The following ACAP3 variants were observed in gnomAD, a reference collection of about 807,000 sequenced individuals.
ACAP3 encodes the protein arf-GAP with coiled-coil, ANK repeat and PH domain-containing protein 3.
In ACAP3, 56 loss-of-function variants were observed where a neutral mutation model predicts 104.1. The observed-to-expected ratio is 0.54, with a 90% CI of 0.43 to 0.67. ACAP3 has a LOEUF of 0.67. Ranked by LOEUF, ACAP3 falls within the 30% of genes least tolerant of loss-of-function variation. The pLI is 0.00. For missense variants in ACAP3, 1,208 were observed against 1,174.9 expected (o/e 1.03, Z -0.41); for synonymous variants, 628 against 496.2 (o/e 1.27, Z -3.53).
intron 11 of ACAP3, 68 bp downstream of exon 11, chr1:1,298,499 C>T (rs1641298578): frequency 1.2e-6 from 1 of 856,316 alleles, no homozygotes. Flanking sequence ...CACCTGAGGA[C>T]CCCACCCCCG....
Position 1,292,423 on chromosome 1 carries a change from G to C in ACAP3, c.*1141C>G, listed in dbSNP as rs570563916. 1.3e-5 allele frequency: 2 copies of C among 152,466 alleles called. No homozygotes were observed. The highest frequency in any genetic ancestry group is 6.5e-5 in the Admixed American group (1 of 15,304). The allele number at this position is 152,466 out of a possible 1,614,324, so 9.4% of individuals were successfully genotyped here. A position where few individuals can be genotyped will look rare whatever the true frequency, so the allele number is the denominator to read the frequency against. ...AAGTGCTTTATTCAAAGCGAGGGGT[G>C]GGGGGTGAGACCCGCCAGCAGGGGC... On this transcript the variant is annotated 3_prime_UTR_variant, in exon 24 of 24. Coordinates refer to ENST00000354700, the MANE Select transcript of ACAP3 (RefSeq NM_030649.3).
In ACAP3 at chr1:1,303,866, C is replaced by T. The variant is rs986298160; in HGVS notation, c.105+220G>A. On this transcript the variant is annotated intron_variant, in intron 2 of 23. Transcript: ENST00000354700. The surrounding 1 kb of genome is among the most constrained non-coding windows in gnomAD (Gnocchi z 4.0). ...TCGGGGACTCACCACAGCCCAGCCC[C>T]TCCCAGATGGGACGAGACTCAGGGC... is the stretch of plus-strand genomic sequence containing the variant. 1.1e-4 allele frequency: 71 copies of T among 628,286 alleles called. No homozygotes were observed. The Admixed American group carries it at 1.9e-3, about 17-fold the overall frequency. The allele number at this position is 628,286 out of a possible 1,614,324, so 38.9% of individuals were successfully genotyped here. A position where few individuals can be genotyped will look rare whatever the true frequency, so the allele number is the denominator to read the frequency against.
In ACAP3 at chr1:1,295,895, T is replaced by A. The variant is rs779513090; in HGVS notation, c.1546A>T (p.Lys516Ter). The change falls in exon 18 of 24, where the codon AAG becomes TAG. Residue 516 changes from lysine to a stop codon, truncating the protein, a stop_gained. Coordinates refer to ENST00000354700, the MANE Select transcript of ACAP3 (RefSeq NM_030649.3). LOFTEE classifies it high-confidence loss of function. Reference sequence around the variant, plus strand: ...GCCATGGGCGCCTTCCGCAGAAACTTCTTTTCCACGTATTTGTCCTTGATC... The same window carrying A: ...GCCATGGGCGCCTTCCGCAGAAACTACTTTTCCACGTATTTGTCCTTGATC... ...AWIKDKYVEK[K>*]FLRKAPMAPA... 3.1e-6 allele frequency: 5 copies of A among 1,612,176 alleles called. No individual in the cohort carries two copies. The highest frequency in any genetic ancestry group is 4.2e-6 in the Non-Finnish European group (5 of 1,179,946).
At chr1:1,300,357 C>A in intron 6 of ACAP3, 152 bp downstream of exon 6, 1 of 1,221,378 alleles carries the variant, frequency 8.2e-7, no homozygotes, top group Non-Finnish European at 1.1e-6. Flanking sequence ...CTCCCATGGT[C>A]CTGGACTGCT....
intron 1 of ACAP3, chr1:1,307,018 G>A (rs1641748811): frequency 5.9e-6 from 3 of 507,450 alleles, no homozygotes; most frequent in Non-Finnish European, 7.2e-6. Context: ...AAGTTCACAA[G>A]AGCGCACCCC....
In ACAP3 at chr1:1,303,981, A is replaced by G. The variant is rs1641568680; in HGVS notation, c.105+105T>C. 7.3e-7 allele frequency: 1 copy of G among 1,371,884 alleles called. No individual in the cohort carries two copies. The highest frequency in any genetic ancestry group is 1.0e-6 in the Non-Finnish European group (1 of 996,178). 85.0% of individuals were successfully genotyped at this position (1,371,884 alleles called of 1,614,324 possible). A position where few individuals can be genotyped will look rare whatever the true frequency, so the allele number is the denominator to read the frequency against. ...ACCTGGAGCACCACACGCATGCTCC[A>G]CATATGGGGGGTGTAAGTGGCTTAG... is the stretch of plus-strand genomic sequence containing the variant. On this transcript the variant is annotated intron_variant, in intron 2 of 23. Transcript: ENST00000354700. The surrounding 1 kb of genome is among the most constrained non-coding windows in gnomAD (Gnocchi z 4.0).
Position 1,296,605 on chromosome 1 carries a change from G to A in ACAP3, c.1157C>T (p.Thr386Met), listed in dbSNP as rs753749956. The A allele has an allele frequency of 2.5e-5, 39 of 1,538,246 alleles. No homozygotes were observed. The highest frequency in any genetic ancestry group is 6.8e-5 in the African/African-American group (5 of 72,998). Reference sequence around the variant, plus strand: ...GTCGGTGGCGGAGTCGATGCTGCTCGTGGACGGGGATGCTGTGCGGTCCAG... The same window carrying A: ...GTCGGTGGCGGAGTCGATGCTGCTCATGGACGGGGATGCTGTGCGGTCCAG... ...ERLDRTASPS[T>M]SSIDSATDTR... The change falls in exon 15 of 24, where the codon ACG (threonine) becomes ATG (methionine). Residue 386 changes from threonine to methionine, a missense_variant. Transcript: ENST00000354700.
Position 1,300,715 on chromosome 1 carries a change from G to A in ACAP3, c.339-23C>T, listed in dbSNP as rs749471579. On this transcript the variant is annotated intron_variant, in intron 5 of 23. Coordinates refer to ENST00000354700, the MANE Select transcript of ACAP3 (RefSeq NM_030649.3). ...TCCCTGGAGGCCAAGTGCCAGGTGG[G>A]GTGAGAGATCAGGGAGGGCACCTGC... 7 of 1,596,414 alleles carry A rather than the reference G, an allele frequency of 4.4e-6. No individual in the cohort carries two copies. In the Admixed American group the frequency reaches 5.5e-5, roughly 13 times the overall value.
chr1:1,292,422 TGG>T lies in ACAP3; in HGVS notation c.*1140_*1141del, dbSNP rs1026714797. The T allele has an allele frequency of 6.6e-6, 1 of 150,482 alleles. No individual in the cohort carries two copies. The highest frequency in any genetic ancestry group is 1.5e-5 in the Non-Finnish European group (1 of 67,578). The allele number at this position is 150,482 out of a possible 1,614,324, so 9.3% of individuals were successfully genotyped here. A position where few individuals can be genotyped will look rare whatever the true frequency, so the allele number is the denominator to read the frequency against. ...CAAGTGCTTTATTCAAAGCGAGGGG[TGG>T]GGGGTGAGACCCGCCAGCAGGGGCC... On this transcript the variant is annotated 3_prime_UTR_variant, in exon 24 of 24. Coordinates refer to ENST00000354700, the MANE Select transcript of ACAP3 (RefSeq NM_030649.3).
rs369165944 is a variant in ACAP3, at chr1:1,296,085, C to T, written c.1432G>A (p.Ala478Thr). The T allele has an allele frequency of 3.5e-5, 57 of 1,612,674 alleles. No individual in the cohort carries two copies. Among genetic ancestry groups the T allele is most frequent in the East Asian group, 8.9e-5 (4 of 44,898 alleles). The change falls in exon 17 of 24, where the codon GCT becomes ACT. Residue 478 changes from alanine (A) to threonine (T), a missense_variant. Physicochemically the swap from Ala to Thr is moderately conservative, Grantham distance 58 (BLOSUM62 0). Coordinates refer to ENST00000354700, the MANE Select transcript of ACAP3 (RefSeq NM_030649.3). ...LKLMCELGNSAVNQIYEAQCE... is the reference protein window; with the variant it reads ...LKLMCELGNSTVNQIYEAQCE... ...TGGGCCTCATAGATCTGATTCACAGCGCTGTTTCCAAGCTCACACATCAGC... is the reference window on the plus strand; with the variant it reads ...TGGGCCTCATAGATCTGATTCACAGTGCTGTTTCCAAGCTCACACATCAGC...
At chr1:1,301,005 GA>G (rs1390210285) in intron 5 of ACAP3, among the ~76,000 whole-genome samples, 1 of 152,168 alleles carries the variant, frequency 6.6e-6, no homozygotes, top group African/African-American at 2.4e-5. Context: ...GACCTCAGGT[GA>G]TTCACCCACC....
At chr1:1,296,723 T>A (rs1641177631) in intron 14 of ACAP3, 90 bp from the exon 15 acceptor site, 1 of 1,376,664 alleles carries the variant, frequency 7.3e-7, no homozygotes, top group Non-Finnish European at 9.9e-7. Flanking sequence ...GAAGAGCCAA[T>A]GCAGGCCAGG....
In ACAP3 at chr1:1,296,479, C is replaced by A; in HGVS notation, c.1283G>T (p.Trp428Leu). Residue 428 changes from tryptophan (W) to leucine (L), a missense_variant, in exon 15 of 24, where the codon TGG becomes TTG. By Grantham distance (61) the Trp-to-Leu change is moderately conservative. Transcript: ENST00000354700. The part of the protein sequence containing the change: ...CGDCGQPDPR[W>L]ASINLGVLLC... ...CAGCACGCCCAGGTTGATGCTGGCC[C>A]AGCGGGGGTCCGGCTGGCCGCAGTC... is the stretch of plus-strand genomic sequence containing the variant. The A allele has an allele frequency of 6.5e-7, 1 of 1,544,810 alleles. No individual in the cohort carries two copies.
chr1:1,294,214 C>A lies in ACAP3; in HGVS notation c.2140-15G>T. ...ATCAAGGAGCCCTGGGGAGCCGGGGCAACTCAGACGGAGCCACGGCACCGG... is the reference window on the plus strand; with the variant it reads ...ATCAAGGAGCCCTGGGGAGCCGGGGAAACTCAGACGGAGCCACGGCACCGG... On this transcript the variant is annotated splice_polypyrimidine_tract_variant and intron_variant, in intron 21 of 23. Coordinates refer to ENST00000354700, the MANE Select transcript of ACAP3 (RefSeq NM_030649.3). The A allele has an allele frequency of 6.4e-7, 1 of 1,569,276 alleles. No individual in the cohort carries two copies. Among genetic ancestry groups the A allele is most frequent in the East Asian group, 2.3e-5 (1 of 42,828 alleles).
intron 19 of ACAP3, among the ~76,000 whole-genome samples, 179 bp downstream of exon 19, chr1:1,295,268 C>T (rs1018529430): frequency 2.6e-5 from 4 of 152,162 alleles, no homozygotes; most frequent in African/African-American, 7.2e-5. Context: ...CCCACACACA[C>T]ATTTGCACAG....
rs1402694531 is a variant in ACAP3 at position 1,295,893 on chromosome 1, C to T, written c.1548G>A (p.Lys516=). The stretch of plus-strand genomic sequence containing the variant: ...GTGCCATGGGCGCCTTCCGCAGAAA[C>T]TTCTTTTCCACGTATTTGTCCTTGA... ...AWIKDKYVEK[K]FLRKAPMAPA... The change falls in exon 18 of 24, where the codon AAG becomes AAA. Residue 516 remains lysine, a synonymous_variant. Transcript: ENST00000354700. 1.2e-6 allele frequency: 2 copies of T among 1,612,236 alleles called. No homozygotes were observed. The highest frequency in any genetic ancestry group is 2.2e-5 in the East Asian group (1 of 44,884).
chr1:1,298,758 G>T, intron 10 of ACAP3, 79 bp from the exon 11 acceptor site: 1 of 1,114,372 alleles, frequency 9.0e-7, no homozygotes, highest in East Asian at 2.4e-5. Flanking sequence ...AGCACAGGTG[G>T]GGGTGAGGTC....
At chr1:1,296,367 C>A (rs1641152414) in intron 15 of ACAP3, 58 bp downstream of exon 15, 2 of 1,533,558 alleles carry the variant, frequency 1.3e-6, no homozygotes, top group Non-Finnish European at 1.7e-6. Flanking sequence ...CCCTCAGGGG[C>A]CCACCTGTGG....
Position 1,295,442 on chromosome 1 carries a change from CTTACTGCGAGGG to C in ACAP3, c.1806_1813+4del. On this transcript the variant is annotated splice_donor_variant and splice_donor_region_variant and coding_sequence_variant and intron_variant, in exon 19 of 24. Coordinates refer to ENST00000354700, the MANE Select transcript of ACAP3 (RefSeq NM_030649.3). LOFTEE classifies it high-confidence loss of function. ...GCCACCTGGCTGGGCCCACCCCACACTTACTGCGAGGGCCAGCCCCTGCGGCCCCTGCGTCGA... is the reference window on the plus strand; with the variant it reads ...GCCACCTGGCTGGGCCCACCCCACACCCAGCCCCTGCGGCCCCTGCGTCGA... 1 of 1,612,234 alleles carries C rather than the reference CTTACTGCGAGGG, an allele frequency of 6.2e-7. No homozygotes were observed. Among genetic ancestry groups the C allele is most frequent in the Non-Finnish European group, 8.5e-7 (1 of 1,179,692 alleles).
Sources: gnomAD v4.1 joint callset for allele counts (sites outside exome capture counted in the v4.1 genomes callset) on GRCh38, gnomAD v4.1.1 for gene constraint, Gnocchi (gnomAD v3.1) non-coding constraint, MANE v1.5 for transcripts, NCBI Gene and HGNC (gene_info 2026-07-23, HGNC 2026-07-21) for gene names.